The following C8orf34 variants were observed in gnomAD, a reference collection of about 807,000 sequenced individuals.
C8orf34 encodes uncharacterized protein C8orf34.
Under a neutral mutation model 68.3 loss-of-function variants are expected in C8orf34, and 65 were observed. The ratio of observed to expected loss-of-function variants is 0.95; its 90% CI spans 0.78 to 1.17. The LOEUF (loss-of-function observed/expected upper bound fraction) is 1.17, where lower values mean the gene tolerates loss of function less well. C8orf34 is among the 50% of genes most tolerant of loss of function. C8orf34 has a pLI of 0.00. For missense variants in C8orf34, 664 were observed against 655.4 expected (o/e 1.01, Z -0.14); for synonymous variants, 244 against 241.2 (o/e 1.01, Z -0.11).
At chr8:68,396,249 T>C (rs1808702229) in intron 1 of C8orf34, among the ~76,000 whole-genome samples, 1 of 152,148 alleles carries the variant, frequency 6.6e-6, no homozygotes, top group South Asian at 2.1e-4. Context: ...GGCTAAATGC[T>C]TGTTTATTGA....
chr8:68,647,133 A>G (rs532062785), intron 8 of C8orf34, among the ~76,000 whole-genome samples: 1 of 152,322 alleles, frequency 6.6e-6, no homozygotes, highest in Non-Finnish European at 1.5e-5. Flanking sequence ...TGGGCAAAGG[A>G]TTGAAATAAA....
chr8:68,592,912 CT>C (rs1423526886), intron 7 of C8orf34, among the ~76,000 whole-genome samples: 2 of 151,836 alleles, frequency 1.3e-5, no homozygotes, highest in African/African-American at 4.8e-5. Flanking sequence ...ATCTTTTGTT[CT>C]TTTTCTTCTT....
At chr8:68,575,864 A>G (rs994776436) in intron 7 of C8orf34, among the ~76,000 whole-genome samples, 1 of 151,818 alleles carries the variant, frequency 6.6e-6, no homozygotes, top group Non-Finnish European at 1.5e-5. Context: ...TACCTGTTTA[A>G]ACTTTGATTG....
intron 8 of C8orf34, among the ~76,000 whole-genome samples, chr8:68,683,555 C>T (rs760467686): frequency 7.9e-5 from 12 of 151,972 alleles, no homozygotes; most frequent in Non-Finnish European, 1.6e-4. Context: ...AAACAAATAA[C>T]TGTGATATAT....
intron 7 of C8orf34, among the ~76,000 whole-genome samples, chr8:68,553,216 T>C (rs1816133808): frequency 6.6e-6 from 1 of 151,446 alleles, no homozygotes; most frequent in Non-Finnish European, 1.5e-5. Context: ...AAATCCTGTC[T>C]CTACTAAAAA....
intron 7 of C8orf34, chr8:68,535,685 A>G: frequency 2.6e-6 from 2 of 777,226 alleles, no homozygotes; most frequent in Non-Finnish European, 3.1e-6. Context: ...GCATATGAAA[A>G]TATTATAGTA....
intron 7 of C8orf34, among the ~76,000 whole-genome samples, chr8:68,578,108 C>T (rs1021745881): frequency 6.6e-5 from 10 of 151,736 alleles, no homozygotes; most frequent in Middle Eastern, 3.4e-3. Flanking sequence ...AGGAAAGGAA[C>T]GAAGCGAGAG....
intron 6 of C8orf34, among the ~76,000 whole-genome samples, chr8:68,522,758 C>T (rs1039835120): frequency 3.3e-5 from 5 of 151,902 alleles, no homozygotes; most frequent in Admixed American, 6.6e-5. Context: ...AAAAATATCA[C>T]GGGAGGCATG....
intron 10 of C8orf34, among the ~76,000 whole-genome samples, chr8:68,726,248 T>C (rs959231268): frequency 2.6e-5 from 4 of 152,072 alleles, no homozygotes; most frequent in African/African-American, 4.8e-5. Flanking sequence ...ATTAAGTAGA[T>C]AGTGAAAAGC....
intron 7 of C8orf34, among the ~76,000 whole-genome samples, chr8:68,594,086 A>G (rs1053550776): frequency 1.3e-5 from 2 of 152,014 alleles, no homozygotes; most frequent in Non-Finnish European, 2.9e-5. Context: ...TAGAGTATTC[A>G]TTGGTATTTA....
chr8:68,813,662 G>A (rs1449906144), intron 12 of C8orf34, among the ~76,000 whole-genome samples: 1 of 152,214 alleles, frequency 6.6e-6, no homozygotes, highest in South Asian at 2.1e-4. Context: ...CCTGTGCCAA[G>A]CACCATGAGA....
chr8:68,667,980 A>C (rs1293358541), intron 8 of C8orf34, among the ~76,000 whole-genome samples: 1 of 152,200 alleles, frequency 6.6e-6, no homozygotes, highest in Non-Finnish European at 1.5e-5. Flanking sequence ...TTCTGCCATG[A>C]AACATCCAAC....
intron 11 of C8orf34, among the ~76,000 whole-genome samples, chr8:68,779,230 C>G (rs1204828039): frequency 7.1e-6 from 1 of 141,014 alleles, no homozygotes; most frequent in East Asian, 2.1e-4. Context: ...CACACACACA[C>G]TACCCAGACG....
At chr8:68,601,396 A>C (rs369644627) in intron 7 of C8orf34, among the ~76,000 whole-genome samples, 1 of 151,822 alleles carries the variant, frequency 6.6e-6, no homozygotes, top group African/African-American at 2.4e-5. Flanking sequence ...ACATGTCCCT[A>C]AGACTGTTTT....
chr8:68,715,284 A>T (rs1260427320), intron 9 of C8orf34, among the ~76,000 whole-genome samples: 1 of 152,196 alleles, frequency 6.6e-6, no homozygotes, highest in Non-Finnish European at 1.5e-5. Flanking sequence ...GACTTAATTG[A>T]ACTAAAAAGC....
intron 7 of C8orf34, among the ~76,000 whole-genome samples, chr8:68,567,242 G>A (rs1816618666): frequency 6.6e-6 from 1 of 152,096 alleles, no homozygotes; most frequent in Admixed American, 6.5e-5. Flanking sequence ...ATTCTGCTGT[G>A]AATCTATCTG....
At chr8:68,734,262 C>A (rs775701595) in intron 10 of C8orf34, among the ~76,000 whole-genome samples, 9 of 151,924 alleles carry the variant, frequency 5.9e-5, no homozygotes, top group Non-Finnish European at 1.3e-4. Flanking sequence ...GAGAAAGTGA[C>A]AAGAATATCT....
intron 7 of C8orf34, among the ~76,000 whole-genome samples, chr8:68,632,263 C>T (rs4009115): frequency 0.14 from 21,048 of 152,108 alleles, 1,519 homozygotes; most frequent in Admixed American, 0.21. Flanking sequence ...TGGCATTTTG[C>T]TCCCACCCTA....
intron 7 of C8orf34, among the ~76,000 whole-genome samples, chr8:68,553,620 A>C (rs996982450): frequency 5.3e-5 from 8 of 152,018 alleles, no homozygotes; most frequent in Non-Finnish European, 7.4e-5. Flanking sequence ...TGTCCATTTC[A>C]TCTGTTATTT....
Sources: gnomAD v4.1 joint callset for allele counts (sites outside exome capture counted in the v4.1 genomes callset) on GRCh38, gnomAD v4.1.1 for gene constraint, MANE v1.5 for transcripts, NCBI Gene and HGNC (gene_info 2026-07-23, HGNC 2026-07-21) for gene names.